The following DYNC2LI1 variants were observed in gnomAD, a reference collection of about 807,000 sequenced individuals.
DYNC2LI1 encodes the protein cytoplasmic dynein 2 light intermediate chain 1.
Under a neutral mutation model 51.9 loss-of-function variants are expected in DYNC2LI1, and 45 were observed. That is an observed-to-expected ratio of 0.87 (90% confidence interval 0.68 to 1.11). DYNC2LI1 has a LOEUF of 1.11. Among genes scored for constraint, DYNC2LI1 ranks in the 50% most tolerant of loss-of-function variants. DYNC2LI1 has a pLI of 0.00. For synonymous variants in DYNC2LI1, 130 were observed against 137.8 expected (o/e 0.94, Z 0.40); for missense variants, 490 against 417.4 (o/e 1.17, Z -1.51).
downstream of DYNC2LI1, among the ~76,000 whole-genome samples, chr2:43,811,223 G>A (rs1221392984): frequency 1.3e-5 from 2 of 152,080 alleles, no homozygotes; most frequent in African/African-American, 2.4e-5. Flanking sequence ...TAACTGATGT[G>A]ACATATATAA....
At chr2:43,825,441 C>A in the DYNC2LI1 span, among the ~76,000 whole-genome samples, 2 of 152,072 alleles carry the variant, frequency 1.3e-5, no homozygotes, top group African/African-American at 4.8e-5. Flanking sequence ...TAATAGCTAA[C>A]TAAAGGGATA....
rs1287543277 is a variant in DYNC2LI1 at position 43,800,928 on chromosome 2, G to T, written c.731+11G>T. The T allele has an allele frequency of 6.4e-7, 1 of 1,556,468 alleles. No homozygotes were observed. The highest frequency in any genetic ancestry group is 2.3e-5 in the East Asian group (1 of 44,054). ...TGGCATTGACAAAAGGTACTGCTAA[G>T]ATATTTTTTATATCATTTATTGAGT... On this transcript the variant is annotated intron_variant, in intron 9 of 12. Coordinates refer to ENST00000260605, the MANE Select transcript of DYNC2LI1 (RefSeq NM_016008.4).
the DYNC2LI1 span, among the ~76,000 whole-genome samples, chr2:43,816,256 G>T: frequency 6.6e-6 from 1 of 152,214 alleles, no homozygotes; most frequent in African/African-American, 2.4e-5. Context: ...TGCTGAGAGG[G>T]TCTAAAATGA....
At chr2:43,826,662 C>G in the DYNC2LI1 span, 5 of 1,336,298 alleles carry the variant, frequency 3.7e-6, no homozygotes, top group Non-Finnish European at 5.3e-6. Context: ...TGTAAACTGG[C>G]TTTCAGCCTG....
chr2:43,815,663 G>T, the DYNC2LI1 span, among the ~76,000 whole-genome samples: 2 of 152,148 alleles, frequency 1.3e-5, no homozygotes, highest in Non-Finnish European at 2.9e-5. Flanking sequence ...AATGGTATGA[G>T]TACAGGTATG....
the DYNC2LI1 span, chr2:43,820,170 C>G: frequency 6.5e-7 from 1 of 1,527,486 alleles, no homozygotes; most frequent in Non-Finnish European, 8.9e-7. Context: ...GCACTTGCCT[C>G]TGTGAATAAA....
At chr2:43,825,607 A>ATTG in the DYNC2LI1 span, among the ~76,000 whole-genome samples, 46 of 132,020 alleles carry the variant, frequency 3.5e-4, no homozygotes, top group African/African-American at 9.8e-4. Context: ...TTTTGTTGTT[A>ATTG]TTGTTGTTGT....
At chr2:43,805,905 C>T (rs76898175) in intron 12 of DYNC2LI1, among the ~76,000 whole-genome samples, 3 of 149,462 alleles carry the variant, frequency 2.0e-5, no homozygotes, top group African/African-American at 7.5e-5. Flanking sequence ...TTTTTTAAGA[C>T]GAGTCTCACA....
chr2:43,809,106 A>G (rs1666385606), intron 12 of DYNC2LI1, among the ~76,000 whole-genome samples: 1 of 152,020 alleles, frequency 6.6e-6, no homozygotes, highest in Admixed American at 6.6e-5. Context: ...CTCCCACCTC[A>G]GACTCCCAAG....
chr2:43,792,577 A>T (rs978545164), intron 5 of DYNC2LI1: 1 of 1,244,950 alleles, frequency 8.0e-7, no homozygotes, highest in African/African-American at 1.5e-5. Flanking sequence ...AGTAACATCA[A>T]GTATATTCTC....
intron 3 of DYNC2LI1, among the ~76,000 whole-genome samples, chr2:43,786,640 T>C (rs1673532934): frequency 6.6e-6 from 1 of 152,032 alleles, no homozygotes; most frequent in South Asian, 2.1e-4. Flanking sequence ...CTGGCTAACG[T>C]AGTGAAACCC....
At chr2:43,819,715 G>A in the DYNC2LI1 span, among the ~76,000 whole-genome samples, 3 of 151,994 alleles carry the variant, frequency 2.0e-5, no homozygotes, top group South Asian at 2.1e-4. Flanking sequence ...CCTGATTCCC[G>A]ATAAAAAAGA....
At chr2:43,822,998 G>A in the DYNC2LI1 span, 2 of 1,596,128 alleles carry the variant, frequency 1.3e-6, no homozygotes. Flanking sequence ...GGGAGGGCTA[G>A]CCCAAGCTGA....
intron 11 of DYNC2LI1, 120 bp downstream of exon 11, chr2:43,804,859 T>G: frequency 1.6e-6 from 1 of 615,966 alleles, no homozygotes; most frequent in East Asian, 3.1e-5. Context: ...AAAAATCAAT[T>G]AAACATTTGC....
chr2:43,811,682 C>G (rs1239969225), downstream of DYNC2LI1, among the ~76,000 whole-genome samples: 1 of 151,904 alleles, frequency 6.6e-6, no homozygotes, highest in East Asian at 1.9e-4. Context: ...GCAACCTCCA[C>G]CTCCCAGGTT....
chr2:43,821,895 C>G, the DYNC2LI1 span, among the ~76,000 whole-genome samples: 1 of 152,116 alleles, frequency 6.6e-6, no homozygotes, highest in South Asian at 2.1e-4. Context: ...TTCCCGCACC[C>G]CATCTTTGAA....
At chr2:43,787,102 A>G in intron 3 of DYNC2LI1, 79 bp from the exon 4 acceptor site, 1 of 1,163,610 alleles carries the variant, frequency 8.6e-7, no homozygotes, top group Non-Finnish European at 1.2e-6. Context: ...AAGAGGAAGG[A>G]AAAATGAATC....
the DYNC2LI1 span, among the ~76,000 whole-genome samples, chr2:43,818,193 T>A: frequency 1.3e-5 from 2 of 152,218 alleles, no homozygotes; most frequent in African/African-American, 4.8e-5. Flanking sequence ...GGCTCACACC[T>A]GTAATCCTAG....
At chr2:43,788,252 A>C (rs11695053) in intron 4 of DYNC2LI1, among the ~76,000 whole-genome samples, 17,123 of 152,302 alleles carry the variant, frequency 0.11, 1,297 homozygotes, top group Middle Eastern at 0.29. Flanking sequence ...TAATGATTCA[A>C]ATATGAACAG....
Sources: allele counts gnomAD v4.1 joint callset (sites outside exome capture counted in the v4.1 genomes callset), GRCh38; gene constraint gnomAD v4.1.1; transcripts MANE v1.5; gene names NCBI Gene and HGNC (gene_info 2026-07-23, HGNC 2026-07-21).